The following PCDHGA2 variants were observed in gnomAD, a reference collection of about 807,000 sequenced individuals.
PCDHGA2 encodes the protein protocadherin gamma-A2.
PCDHGA2 carries 40 observed loss-of-function variants against 59.2 expected under a neutral mutation model. The ratio of observed to expected loss-of-function variants is 0.68; its 90% CI spans 0.52 to 0.88. The LOEUF (loss-of-function observed/expected upper bound fraction) is 0.88, where lower values mean the gene tolerates loss of function less well. Among genes scored for constraint, PCDHGA2 ranks in the 40% least tolerant of loss-of-function variants. The pLI, the probability that PCDHGA2 is intolerant of heterozygous loss-of-function variation, is 0.00. For missense variants in PCDHGA2, 1,226 were observed against 1,204.0 expected, an observed-to-expected ratio of 1.02 and a Z score of -0.27; for synonymous variants, 560 against 526.0, an observed-to-expected ratio of 1.06 and a Z score of -0.89.
chr5:141,400,538 A>C (rs994052728), intron 1 of PCDHGA2: 5 of 1,613,662 alleles, frequency 3.1e-6, no homozygotes, highest in Non-Finnish European at 4.2e-6. Context: ...AGTTTCATTT[A>C]TGTCTATTCT....
intron 1 of PCDHGA2, among the ~76,000 whole-genome samples, chr5:141,483,302 C>G (rs1262756268): frequency 2.0e-5 from 3 of 152,012 alleles, no homozygotes; most frequent in Admixed American, 6.5e-5. Context: ...AGTGAAGGGA[C>G]TGGGGACATT....
chr5:141,372,313 A>G (rs774275406), intron 1 of PCDHGA2: 5 of 1,613,456 alleles, frequency 3.1e-6, no homozygotes, highest in Middle Eastern at 1.6e-4. Flanking sequence ...GCCGCCCGCC[A>G]GCGCCTGCTG....
intron 1 of PCDHGA2, among the ~76,000 whole-genome samples, chr5:141,464,912 T>A (rs1303305860): frequency 2.6e-5 from 4 of 152,092 alleles, no homozygotes; most frequent in Non-Finnish European, 5.9e-5. Context: ...CTAATTTTTT[T>A]ATTTTTTTGT....
rs561817609 is a variant in PCDHGA2, at chr5:141,496,904, G to A, written c.2483+2039G>A. Among the ~76,000 whole-genome samples, 12 of 137,476 alleles carry A rather than the reference G, an allele frequency of 8.7e-5. 1 individual carries two copies. The South Asian group carries it at 2.0e-3, about 23-fold the overall frequency. The allele number at this position is 137,476 out of a possible 152,430, so 90.2% of individuals were successfully genotyped here. On this transcript the variant is annotated intron_variant, in intron 2 of 3. Transcript: ENST00000394576. ...AGTAACACTTAAAAAAAAAAAAAAA[G>A]GCTGGGCACTGTGGTTCACGCCTGT...
At chr5:141,507,785 C>T (rs1203302886) in intron 3 of PCDHGA2, among the ~76,000 whole-genome samples, 1 of 152,222 alleles carries the variant, frequency 6.6e-6, no homozygotes, top group African/African-American at 2.4e-5. Context: ...GCCTGACCCT[C>T]GTCTAAGCCT....
Position 141,351,843 on chromosome 5 carries a change from T to C in PCDHGA2, c.2424+10448T>C, listed in dbSNP as rs773877160. On this transcript the variant is annotated intron_variant, in intron 1 of 3. Coordinates refer to ENST00000394576, the MANE Select transcript of PCDHGA2 (RefSeq NM_018915.4). ...CAGCTGCGCGCCTTCGAGCTCACACTGCAGGCCAGGGACCAGGGCTCCCCC... is the reference window on the plus strand; with the variant it reads ...CAGCTGCGCGCCTTCGAGCTCACACCGCAGGCCAGGGACCAGGGCTCCCCC... The C allele has an allele frequency of 2.4e-5, 38 of 1,613,116 alleles. No homozygotes were observed. In the South Asian group the frequency reaches 4.1e-4, roughly 17 times the overall value.
In PCDHGA2 at chr5:141,511,259, A is replaced by G; in HGVS notation, c.*86A>G. On this transcript the variant is annotated 3_prime_UTR_variant, in exon 4 of 4. Transcript: ENST00000394576. ...ACCTGCACCCAGGCCTCAGAGTTTCAGGGCTAACCCCCAGAATACTGGTAG... is the reference window on the plus strand; with the variant it reads ...ACCTGCACCCAGGCCTCAGAGTTTCGGGGCTAACCCCCAGAATACTGGTAG... 1.3e-6 allele frequency: 2 copies of G among 1,559,840 alleles called. No individual in the cohort carries two copies. The highest frequency in any genetic ancestry group is 1.7e-6 in the Non-Finnish European group (2 of 1,152,466).
chr5:141,511,082 C>T lies in PCDHGA2; in HGVS notation c.2708C>T (p.Thr903Ile). Residue 903 changes from threonine to isoleucine, a missense_variant, in exon 4 of 4, where the codon ACA (threonine) becomes ATA (isoleucine). By Grantham distance (89) the Thr-to-Ile change is moderately conservative. Transcript: ENST00000394576. ...QNVYIPGSNA[T>I]LTNAAGKRDG... ...GTCTACATCCCAGGCAGCAATGCCA[C>T]ACTGACCAACGCAGCTGGCAAGCGG... 1 of 1,614,224 alleles carries T rather than the reference C, an allele frequency of 6.2e-7. No individual in the cohort carries two copies. Among genetic ancestry groups the T allele is most frequent in the Non-Finnish European group, 8.5e-7 (1 of 1,180,028 alleles).
At chr5:141,347,222 C>T (rs574575548) in intron 1 of PCDHGA2, among the ~76,000 whole-genome samples, 8 of 145,762 alleles carry the variant, frequency 5.5e-5, no homozygotes, top group African/African-American at 1.0e-4. Context: ...GGCATGATCA[C>T]GGCTCACTGC....
chr5:141,356,858 T>C, intron 1 of PCDHGA2: 1 of 1,614,210 alleles, frequency 6.2e-7, no homozygotes, highest in Non-Finnish European at 8.5e-7. Flanking sequence ...CTCTTTGTGC[T>C]GGACCAGAAC....
Position 141,431,996 on chromosome 5 carries a change from G to A in PCDHGA2, c.2425-62811G>A, listed in dbSNP as rs766891220. ...AGTCACAGACATAGTCTTGGATAGGGAACAGGTTCCTAGCTACAACATCAC... is the reference window on the plus strand; with the variant it reads ...AGTCACAGACATAGTCTTGGATAGGAAACAGGTTCCTAGCTACAACATCAC... On this transcript the variant is annotated intron_variant, in intron 1 of 3. Transcript: ENST00000394576. The surrounding 1 kb of genome is among the most constrained non-coding windows in gnomAD (Gnocchi z 4.8). 1.9e-6 allele frequency: 3 copies of A among 1,614,192 alleles called. No homozygotes were observed. In the East Asian group the frequency reaches 6.7e-5, roughly 36 times the overall value.
intron 1 of PCDHGA2, chr5:141,350,270 G>T: frequency 6.6e-7 from 1 of 1,512,730 alleles, no homozygotes; most frequent in Non-Finnish European, 8.8e-7. Flanking sequence ...AATGCAGAGA[G>T]CCAGAGAAGC....
At position 141,477,493 on chromosome 5, in the gene PCDHGA2, A is replaced by G. The variant is rs2154575835; in HGVS notation, c.2425-17314A>G. ...ATGACAACCCTCCACAATCTTCTCA[A>G]TCTTCCTACGACGTTTACATTGAAG... On this transcript the variant is annotated intron_variant, in intron 1 of 3. Transcript: ENST00000394576. This position sits in a 1 kb window ranked among gnomAD's most constrained non-coding sequence, Gnocchi z 4.9. 6.2e-7 allele frequency: 1 copy of G among 1,613,976 alleles called. No individual in the cohort carries two copies. The highest frequency in any genetic ancestry group is 1.6e-4 in the Middle Eastern group (1 of 6,062).
intron 1 of PCDHGA2, chr5:141,416,492 A>G (rs183273356): frequency 1.4e-4 from 22 of 152,306 alleles, no homozygotes; most frequent in Admixed American, 1.4e-3. Flanking sequence ...AACAGGAGCA[A>G]GAGATATATG....
intron 1 of PCDHGA2, among the ~76,000 whole-genome samples, chr5:141,407,534 A>G (rs72790039): frequency 0.022 from 3,304 of 149,594 alleles, 53 homozygotes; most frequent in South Asian, 0.039. Context: ...CTTATTGTGC[A>G]TTGGTAACAG....
chr5:141,365,956 T>C (rs757991507), intron 1 of PCDHGA2: 1 of 1,614,208 alleles, frequency 6.2e-7, no homozygotes, highest in South Asian at 1.1e-5. Flanking sequence ...ACCCTCCACT[T>C]AGCAGCAACG....
rs1299979776 is a variant in PCDHGA2 at position 141,512,453 on chromosome 5, G to GC, written c.*1282dup. On this transcript the variant is annotated 3_prime_UTR_variant, in exon 4 of 4. Transcript: ENST00000394576. ...TCCTGAAGCCTCAGTCCTTCACCTT[G>GC]CCAGGTGCCGTTTCTCTTCCGTGAA... The GC allele has an allele frequency of 6.5e-6, 1 of 152,880 alleles. No homozygotes were observed. The allele number at this position is 152,880 out of a possible 1,614,324, so 9.5% of individuals were successfully genotyped here.
At position 141,511,622 on chromosome 5, in the gene PCDHGA2, A is replaced by G; in HGVS notation, c.*449A>G. 4.3e-6 allele frequency: 1 copy of G among 232,852 alleles called. No individual in the cohort carries two copies. The highest frequency in any genetic ancestry group is 8.7e-6 in the Non-Finnish European group (1 of 114,994). The allele number at this position is 232,852 out of a possible 1,614,324, so 14.4% of individuals were successfully genotyped here. A position where few individuals can be genotyped will look rare whatever the true frequency, so the allele number is the denominator to read the frequency against. On this transcript the variant is annotated 3_prime_UTR_variant, in exon 4 of 4. Transcript: ENST00000394576. ...AACCTACAAGCCTCCTAGTTCTGAA[A>G]AGTTGGAAGGGCATCATGACCTCTT...
rs759819103 is a variant in PCDHGA2, at chr5:141,398,546, T to A, written c.2424+57151T>A. On this transcript the variant is annotated intron_variant, in intron 1 of 3. Transcript: ENST00000394576. ...AAATTCACGCAAAATTCCTTTGAGC[T>A]GCAAATAAGTGAGTCTGCACAGCCT... 3.1e-6 allele frequency: 5 copies of A among 1,613,902 alleles called. No homozygotes were observed. The East Asian group carries it at 1.1e-4, about 36-fold the overall frequency.
Sources: gnomAD v4.1 joint callset for allele counts (sites outside exome capture counted in the v4.1 genomes callset) on GRCh38, gnomAD v4.1.1 for gene constraint, Gnocchi (gnomAD v3.1) non-coding constraint, MANE v1.5 for transcripts, NCBI Gene and HGNC (gene_info 2026-07-23, HGNC 2026-07-21) for gene names.